PHLPP1: variants seen among roughly 807,000 people sequenced by gnomAD.
PHLPP1 encodes the protein PH domain leucine-rich repeat-containing protein phosphatase 1.
A neutral mutation model predicts 117.2 loss-of-function variants in PHLPP1; 42 were observed. The observed-to-expected ratio is 0.36, with a 90% CI of 0.28 to 0.46. PHLPP1 has a LOEUF of 0.46. Among genes scored for constraint, PHLPP1 ranks in the 20% least tolerant of loss-of-function variants. PHLPP1 has a pLI of 1.00. For missense variants in PHLPP1, 2,084 were observed against 2,241.9 expected (o/e 0.93, Z 1.42); for synonymous variants, 1,042 against 970.7 (o/e 1.07, Z -1.37).
chr18:62,880,884 G>A (rs548326358), intron 4 of PHLPP1, among the ~76,000 whole-genome samples: 24 of 152,242 alleles, frequency 1.6e-4, no homozygotes, highest in Middle Eastern at 3.4e-3. Context: ...GGTTCTCTAT[G>A]TAATTTACTT....
intron 2 of PHLPP1, among the ~76,000 whole-genome samples, chr18:62,831,674 G>A (rs899385898): frequency 1.3e-5 from 2 of 152,122 alleles, no homozygotes; most frequent in Non-Finnish European, 2.9e-5. Flanking sequence ...CTAAATGTCT[G>A]ATCTGTTTCA....
chr18:62,953,620 C>T (rs1910527678), intron 12 of PHLPP1, among the ~76,000 whole-genome samples: 1 of 152,244 alleles, frequency 6.6e-6, no homozygotes, highest in Admixed American at 6.5e-5. Context: ...TGTCTGCCAT[C>T]TCCATATGTC....
intron 4 of PHLPP1, among the ~76,000 whole-genome samples, chr18:62,887,672 C>G (rs540297673): frequency 8.5e-5 from 13 of 152,290 alleles, no homozygotes; most frequent in Admixed American, 7.8e-4. Context: ...TCCTAAAGAC[C>G]GTACCTCTTA....
chr18:62,906,279 G>C (rs1200488344), intron 8 of PHLPP1: 2 of 152,516 alleles, frequency 1.3e-5, no homozygotes, highest in Admixed American at 1.3e-4. Flanking sequence ...AAATATTACA[G>C]TTAAATTTTT....
At chr18:62,944,989 G>A in intron 11 of PHLPP1, 120 bp from the exon 12 acceptor site, 1 of 707,670 alleles carries the variant, frequency 1.4e-6, no homozygotes, top group Non-Finnish European at 2.1e-6. Flanking sequence ...TGAAAAAATG[G>A]TCTTGTTTGT....
chr18:62,912,650 C>T (rs904332699), intron 8 of PHLPP1, among the ~76,000 whole-genome samples: 3 of 152,030 alleles, frequency 2.0e-5, no homozygotes, highest in South Asian at 4.1e-4. Flanking sequence ...GATGGAGTCT[C>T]GCTCTGTTGC....
Position 62,905,224 on chromosome 18 carries a change from A to G in PHLPP1, c.2648A>G (p.Glu883Gly), listed in dbSNP as rs1916816818. The change falls in exon 8 of 17, where the codon GAA becomes GGA. Residue 883 changes from glutamate to glycine, a missense_variant and splice_region_variant. Physicochemically the swap from Glu to Gly is moderately conservative, Grantham distance 98. Around this residue, in one of 2 missense-constraint regions of PHLPP1, gnomAD observed 1,365 missense variants for 1,605.9 expected, o/e 0.85. Coordinates refer to ENST00000262719, the MANE Select transcript of PHLPP1 (RefSeq NM_194449.4). ...FLKALYASSN[E>G]LVQLDVYPVP... ...GTGGGGTTTTTTTTTTTCTTCCTAG[A>G]ACTTGTTCAACTTGATGTTTACCCA... 2 of 1,538,100 alleles carry G rather than the reference A, an allele frequency of 1.3e-6. No homozygotes were observed. Among genetic ancestry groups the G allele is most frequent in the Admixed American group, 4.1e-5 (2 of 48,424 alleles).
At chr18:62,954,246 A>G (rs1368157240) in intron 12 of PHLPP1, among the ~76,000 whole-genome samples, 3 of 152,214 alleles carry the variant, frequency 2.0e-5, no homozygotes, top group Non-Finnish European at 1.5e-5. Flanking sequence ...ATAACAAAGT[A>G]ATTTTTGTTA....
intron 1 of PHLPP1, among the ~76,000 whole-genome samples, chr18:62,809,573 G>A (rs1306809001): frequency 1.3e-5 from 2 of 151,994 alleles, no homozygotes; most frequent in Non-Finnish European, 2.9e-5. Context: ...GTGGTGGTGG[G>A]AGCCTGTAGT....
intron 1 of PHLPP1, among the ~76,000 whole-genome samples, chr18:62,769,145 T>G (rs1435148678): frequency 6.6e-6 from 1 of 152,232 alleles, no homozygotes; most frequent in Non-Finnish European, 1.5e-5. Flanking sequence ...GTATCAAACT[T>G]TCAGAGATTA....
chr18:62,921,136 G>C (rs889903361), intron 10 of PHLPP1, among the ~76,000 whole-genome samples: 1 of 152,146 alleles, frequency 6.6e-6, no homozygotes, highest in Admixed American at 6.6e-5. Flanking sequence ...GTTTGCTTCA[G>C]AACCCATGTG....
At chr18:62,849,735 A>T (rs1310912738) in intron 3 of PHLPP1, among the ~76,000 whole-genome samples, 1 of 127,716 alleles carries the variant, frequency 7.8e-6, no homozygotes, top group Non-Finnish European at 1.6e-5. Context: ...CTGAGTGGGG[A>T]AGATCACTTG....
rs1348902709 is a variant in PHLPP1, at chr18:62,945,091, T to C, written c.3162-18T>C. 4.5e-6 allele frequency: 7 copies of C among 1,544,300 alleles called. No homozygotes were observed. The highest frequency in any genetic ancestry group is 2.1e-5 in the Admixed American group (1 of 47,538). ...TATATTATTTTCTTTTAAATTGCTT[T>C]ATTTTCTCTTTTTTTAGTAAAATGG... On this transcript the variant is annotated intron_variant, in intron 11 of 16. Coordinates refer to ENST00000262719, the MANE Select transcript of PHLPP1 (RefSeq NM_194449.4).
At chr18:62,850,548 G>A (rs554692588) in intron 3 of PHLPP1, among the ~76,000 whole-genome samples, 76 of 152,266 alleles carry the variant, frequency 5.0e-4, no homozygotes, top group South Asian at 1.0e-3. Context: ...CTGCCATGAC[G>A]TTCAGAAACA....
At chr18:62,898,189 A>G (rs560808403) in intron 6 of PHLPP1, among the ~76,000 whole-genome samples, 6 of 152,124 alleles carry the variant, frequency 3.9e-5, no homozygotes, top group Non-Finnish European at 7.4e-5. Flanking sequence ...ACTTCTTGAG[A>G]CCAGTTCCAC....
chr18:62,827,634 A>G (rs1914645527), intron 1 of PHLPP1, among the ~76,000 whole-genome samples: 1 of 152,240 alleles, frequency 6.6e-6, no homozygotes, highest in African/African-American at 2.4e-5. Flanking sequence ...GAGCAAGACC[A>G]GAGGGATTTA....
chr18:62,759,446 AACAG>A (rs1349660710), intron 1 of PHLPP1, among the ~76,000 whole-genome samples: 2 of 152,232 alleles, frequency 1.3e-5, no homozygotes, highest in East Asian at 3.8e-4. Flanking sequence ...TTGGAAATGC[AACAG>A]ACAGAGGATG....
chr18:62,738,782 T>C (rs550286134), intron 1 of PHLPP1, among the ~76,000 whole-genome samples: 1 of 152,368 alleles, frequency 6.6e-6, no homozygotes, highest in South Asian at 2.1e-4. Flanking sequence ...TCTTACTGTA[T>C]TGTACTCATC....
Position 62,920,092 on chromosome 18 carries a change from A to C in PHLPP1, c.2938A>C (p.Asn980His), listed in dbSNP as rs755497571. Residue 980 changes from asparagine to histidine, a missense_variant, in exon 10 of 17, where the codon AAC becomes CAC. Physicochemically the swap from Asn to His is moderately conservative, Grantham distance 68 (BLOSUM62 1). This residue lies in a region of PHLPP1 where 1,365 missense variants were observed against 1,605.9 expected (regional missense o/e 0.85). Coordinates refer to ENST00000262719, the MANE Select transcript of PHLPP1 (RefSeq NM_194449.4). ...QHNQLLELPPNLLMKADSLRF... is the reference protein window; with the variant it reads ...QHNQLLELPPHLLMKADSLRF... Reference sequence around the variant, plus strand: ...CAACCAGCTCCTTGAGCTCCCACCTAACCTTCTGATGAAGGCTGACAGGTA... The same window carrying C: ...CAACCAGCTCCTTGAGCTCCCACCTCACCTTCTGATGAAGGCTGACAGGTA... 1 of 1,613,786 alleles carries C rather than the reference A, an allele frequency of 6.2e-7. No individual in the cohort carries two copies. The highest frequency in any genetic ancestry group is 8.5e-7 in the Non-Finnish European group (1 of 1,179,798).
Sources: allele counts gnomAD v4.1 joint callset (sites outside exome capture counted in the v4.1 genomes callset), GRCh38; gene constraint gnomAD v4.1.1; regional missense constraint gnomAD v4.1.1; transcripts MANE v1.5; gene names NCBI Gene and HGNC (gene_info 2026-07-23, HGNC 2026-07-21).